The following HS3ST4 variants were observed in gnomAD, a reference collection of about 807,000 sequenced individuals.
The protein encoded by HS3ST4 is heparan sulfate-glucosamine 3-sulfotransferase 4.
A neutral mutation model predicts 29.2 loss-of-function variants in HS3ST4; 17 were observed. The observed-to-expected ratio is 0.58, with a 90% CI of 0.40 to 0.87. The LOEUF is 0.87. Among genes scored for constraint, HS3ST4 ranks in the 40% least tolerant of loss-of-function variants. The probability of loss-of-function intolerance (pLI) is 0.00; values close to 1 mark genes in which losing one functional copy is unlikely to be tolerated. For synonymous variants in HS3ST4, 314 were observed against 285.7 expected (o/e 1.10, Z -1.00); for missense variants, 627 against 634.5 (o/e 0.99, Z 0.13).
chr16:26,118,201 G>T (rs985126396), intron 1 of HS3ST4, among the ~76,000 whole-genome samples: 1 of 152,124 alleles, frequency 6.6e-6, no homozygotes, highest in Non-Finnish European at 1.5e-5. Context: ...GAGTAGCTGG[G>T]ACCACAGGTG....
At position 25,858,007 on chromosome 16, in the gene HS3ST4, TTC is replaced by T. The variant is rs1449045494; in HGVS notation, c.734+164858_734+164859del. On this transcript the variant is annotated intron_variant, in intron 1 of 1. Coordinates refer to ENST00000331351, the MANE Select transcript of HS3ST4 (RefSeq NM_006040.3). ...TCTTTCTTTTTCTTCCTTCTTTTCT[TTC>T]TGTCTTTTTCTTTCTTTCCTCTTTC... is the stretch of plus-strand genomic sequence containing the variant. Among the ~76,000 whole-genome samples the T allele has an allele frequency of 4.0e-5, 6 of 149,172 alleles. No individual in the cohort carries two copies. In the East Asian group the frequency reaches 5.9e-4, roughly 15 times the overall value.
At chr16:25,980,303 C>T (rs1009289139) in intron 1 of HS3ST4, among the ~76,000 whole-genome samples, 2 of 152,214 alleles carry the variant, frequency 1.3e-5, no homozygotes, top group Non-Finnish European at 2.9e-5. Flanking sequence ...CACACCTGTT[C>T]CCTATCATTC....
chr16:26,063,411 G>T (rs1029125722), intron 1 of HS3ST4, among the ~76,000 whole-genome samples: 12 of 151,982 alleles, frequency 7.9e-5, no homozygotes, highest in Non-Finnish European at 1.5e-5. Flanking sequence ...ATGAGTCTGG[G>T]CATGGTAGTT....
chr16:26,099,801 G>GCA (rs377128647), intron 1 of HS3ST4, among the ~76,000 whole-genome samples: 1 of 151,926 alleles, frequency 6.6e-6, no homozygotes, highest in Non-Finnish European at 1.5e-5. Flanking sequence ...ACATACACAT[G>GCA]CACACACACA....
intron 1 of HS3ST4, among the ~76,000 whole-genome samples, chr16:25,817,250 A>G (rs993970760): frequency 7.3e-5 from 11 of 151,016 alleles, no homozygotes; most frequent in African/African-American, 2.7e-4. Flanking sequence ...AAGTGGTTGC[A>G]TGGACTGGCA....
At chr16:25,796,384 C>G (rs1451175605) in intron 1 of HS3ST4, among the ~76,000 whole-genome samples, 1 of 152,118 alleles carries the variant, frequency 6.6e-6, no homozygotes, top group Non-Finnish European at 1.5e-5. Context: ...TGATGTGTTA[C>G]TGGCTTTTAT....
chr16:25,932,904 C>G (rs1156231273), intron 1 of HS3ST4, among the ~76,000 whole-genome samples: 1 of 152,194 alleles, frequency 6.6e-6, no homozygotes, highest in East Asian at 1.9e-4. Flanking sequence ...TGAGTTTTCT[C>G]TAGAAGTGGG....
intron 1 of HS3ST4, among the ~76,000 whole-genome samples, chr16:25,921,921 A>AT (rs1011742244): frequency 6.6e-6 from 1 of 151,610 alleles, no homozygotes; most frequent in Non-Finnish European, 1.5e-5. Context: ...TGCCTGGCTA[A>AT]TTTTTGTATT....
chr16:25,919,530 A>T (rs983976463), intron 1 of HS3ST4, among the ~76,000 whole-genome samples: 1 of 152,170 alleles, frequency 6.6e-6, no homozygotes, highest in African/African-American at 2.4e-5. Context: ...GTCACTGGCA[A>T]TAGCTGGTAT....
chr16:25,986,731 A>G (rs1318303238), intron 1 of HS3ST4, among the ~76,000 whole-genome samples: 1 of 152,228 alleles, frequency 6.6e-6, no homozygotes, highest in African/African-American at 2.4e-5. Context: ...TTCACTGGCA[A>G]GGAGCTCCTT....
rs1022583783 is a variant in HS3ST4 at position 26,092,265 on chromosome 16, G to A, written c.735-43347G>A. Among the ~76,000 whole-genome samples the A allele has an allele frequency of 2.6e-5, 4 of 152,146 alleles. No homozygotes were observed. The East Asian group carries it at 5.8e-4, about 22-fold the overall frequency. On this transcript the variant is annotated intron_variant, in intron 1 of 1. Coordinates refer to ENST00000331351, the MANE Select transcript of HS3ST4 (RefSeq NM_006040.3). ...ACGTGGCAAAGAATTGGCCAAAATAGCCTTCTCCACAGGACAATCCTAGCT... is the reference window on the plus strand; with the variant it reads ...ACGTGGCAAAGAATTGGCCAAAATAACCTTCTCCACAGGACAATCCTAGCT...
intron 1 of HS3ST4, among the ~76,000 whole-genome samples, chr16:25,994,011 G>GA (rs1969138095): frequency 1.5e-5 from 2 of 132,922 alleles, no homozygotes; most frequent in South Asian, 2.4e-4. Flanking sequence ...TGTGTGTGGT[G>GA]GAGAGAGAGA....
chr16:25,794,672 C>T (rs1296591514), intron 1 of HS3ST4, among the ~76,000 whole-genome samples: 1 of 151,540 alleles, frequency 6.6e-6, no homozygotes, highest in African/African-American at 2.4e-5. Context: ...TTTTTGTTTT[C>T]TCTGTTTGTT....
At chr16:25,736,568 A>T (rs1311377098) in intron 1 of HS3ST4, among the ~76,000 whole-genome samples, 1 of 152,226 alleles carries the variant, frequency 6.6e-6, no homozygotes, top group Admixed American at 6.5e-5. Flanking sequence ...TTACATTTAG[A>T]GCTTTAACAT....
chr16:26,054,765 G>C (rs539848484), intron 1 of HS3ST4, among the ~76,000 whole-genome samples: 208 of 152,120 alleles, frequency 1.4e-3, no homozygotes, highest in Middle Eastern at 3.4e-3. Context: ...TCAGGAGCAG[G>C]GGGCACAGAG....
At chr16:25,829,250 G>A (rs1390775066) in intron 1 of HS3ST4, among the ~76,000 whole-genome samples, 1 of 152,186 alleles carries the variant, frequency 6.6e-6, no homozygotes, top group Admixed American at 6.5e-5. Context: ...AAGGAGCAGA[G>A]GAGAAACCCT....
At chr16:25,946,162 G>C (rs1968624342) in intron 1 of HS3ST4, among the ~76,000 whole-genome samples, 1 of 152,154 alleles carries the variant, frequency 6.6e-6, no homozygotes, top group African/African-American at 2.4e-5. Context: ...CCTGTCGAGA[G>C]AGTTTGCAAC....
chr16:26,105,133 G>A (rs541728218), intron 1 of HS3ST4, among the ~76,000 whole-genome samples: 45 of 152,104 alleles, frequency 3.0e-4, no homozygotes, highest in Admixed American at 3.9e-4. Flanking sequence ...AAGAAAATGT[G>A]GTACATAAAC....
intron 1 of HS3ST4, among the ~76,000 whole-genome samples, chr16:25,705,356 G>T (rs1322083875): frequency 1.3e-5 from 2 of 152,098 alleles, no homozygotes; most frequent in Admixed American, 6.6e-5. Flanking sequence ...ATTGCTTGGA[G>T]CTCTGTGGTA....
Sources: gnomAD v4.1 joint callset for allele counts (sites outside exome capture counted in the v4.1 genomes callset) on GRCh38, gnomAD v4.1.1 for gene constraint, MANE v1.5 for transcripts, NCBI Gene and HGNC (gene_info 2026-07-23, HGNC 2026-07-21) for gene names.